The following KLHL5 variants were observed in gnomAD, a reference collection of about 807,000 sequenced individuals.
KLHL5 encodes kelch-like protein 5.
In KLHL5, 48 loss-of-function variants were observed where a neutral mutation model predicts 77.7. The ratio of observed to expected loss-of-function variants is 0.62; its 90% CI spans 0.49 to 0.79. The LOEUF (loss-of-function observed/expected upper bound fraction) is 0.79. KLHL5 is among the 30% of genes least tolerant of loss of function. KLHL5 has a pLI of 0.00. For synonymous variants in KLHL5, 260 were observed against 297.0 expected, an observed-to-expected ratio of 0.88 and a Z score of 1.28; for missense variants, 723 against 859.7, an observed-to-expected ratio of 0.84 and a Z score of 1.99.
chr4:39,078,110 C>T (rs1412093560), intron 2 of KLHL5, among the ~76,000 whole-genome samples: 2 of 152,084 alleles, frequency 1.3e-5, no homozygotes, highest in Non-Finnish European at 2.9e-5. Flanking sequence ...ACAATGAGGC[C>T]AGGCGCGATG....
chr4:39,082,229 G>T (rs1172286905), intron 4 of KLHL5, 70 bp downstream of exon 4: 2 of 1,225,350 alleles, frequency 1.6e-6, no homozygotes, highest in Non-Finnish European at 2.3e-6. Flanking sequence ...AGGCTTATCT[G>T]CATGTTACTG....
rs1482989401 is a variant in KLHL5, at chr4:39,122,045, T to C, written c.*979T>C. ...AACAGTTTGTGGGAGAATGGGCTTA[T>C]TGAATGTCTAAAAAATAAGTTTAAA... On this transcript the variant is annotated 3_prime_UTR_variant, in exon 11 of 11. Coordinates refer to ENST00000504108, the MANE Select transcript of KLHL5 (RefSeq NM_015990.5). The C allele has an allele frequency of 2.6e-5, 4 of 152,656 alleles. No individual in the cohort carries two copies. The highest frequency in any genetic ancestry group is 6.5e-5 in the Admixed American group (1 of 15,282). The allele number at this position is 152,656 out of a possible 1,614,324, so 9.5% of individuals were successfully genotyped here.
At chr4:39,045,420 A>T (rs1345943850) in intron 1 of KLHL5, among the ~76,000 whole-genome samples, 1 of 151,710 alleles carries the variant, frequency 6.6e-6, no homozygotes, top group African/African-American at 2.4e-5. Flanking sequence ...TGAGGAGCGG[A>T]CTGCGGTGCA....
At chr4:39,093,318 A>G in intron 5 of KLHL5, 1 of 445,476 alleles carries the variant, frequency 2.2e-6, no homozygotes, top group Non-Finnish European at 4.5e-6. Flanking sequence ...CTGTAGAGAC[A>G]GATTAGTGCT....
Position 39,074,585 on chromosome 4 carries a change from G to A in KLHL5, c.384-1380G>A, listed in dbSNP as rs78748396. Among the ~76,000 whole-genome samples, 648 of 152,172 alleles carry A rather than the reference G, an allele frequency of 4.3e-3. 6 individuals carry two copies. The highest frequency in any genetic ancestry group is 0.013 in the African/African-American group (548 of 41,544). On this transcript the variant is annotated intron_variant, in intron 1 of 10. Transcript: ENST00000504108. Reference sequence around the variant, plus strand: ...ATATAGTCTAGCTATATTCTCAGGCGGAAAAAAGAATATTTTGGTGAACAC... The same window carrying A: ...ATATAGTCTAGCTATATTCTCAGGCAGAAAAAAGAATATTTTGGTGAACAC...
At chr4:39,075,113 C>T (rs1718884946) in intron 1 of KLHL5, among the ~76,000 whole-genome samples, 1 of 152,084 alleles carries the variant, frequency 6.6e-6, no homozygotes, top group South Asian at 2.1e-4. Context: ...GGGCAGATCT[C>T]CTGAGGTCAG....
chr4:39,118,288 C>G (rs1306452622), intron 10 of KLHL5, among the ~76,000 whole-genome samples: 4 of 151,854 alleles, frequency 2.6e-5, no homozygotes, highest in Non-Finnish European at 5.9e-5. Flanking sequence ...AAACAGCTAA[C>G]CCAAGGCCAC....
At chr4:39,119,568 G>C (rs1208714421) in intron 10 of KLHL5, among the ~76,000 whole-genome samples, 2 of 152,198 alleles carry the variant, frequency 1.3e-5, no homozygotes, top group Non-Finnish European at 2.9e-5. Context: ...CTGGGTGACA[G>C]TGCAAGACTC....
At chr4:39,106,365 T>G (rs1283347430) in intron 7 of KLHL5, among the ~76,000 whole-genome samples, 1 of 152,250 alleles carries the variant, frequency 6.6e-6, no homozygotes, top group Non-Finnish European at 1.5e-5. Context: ...CCTTTTACTC[T>G]GCACCACTTT....
intron 5 of KLHL5, among the ~76,000 whole-genome samples, chr4:39,094,859 A>C (rs975310320): frequency 6.6e-6 from 1 of 152,152 alleles, no homozygotes; most frequent in African/African-American, 2.4e-5. Flanking sequence ...TTTCAAAAAA[A>C]TGAATTTCAC....
rs2711937 is a variant in KLHL5, at chr4:39,103,018, C to T, written c.1301-269C>T. Among the ~76,000 whole-genome samples, 113,702 of 151,510 alleles carry T rather than the reference C, an allele frequency of 0.75. 42,700 individuals carry two copies. Among genetic ancestry groups the T allele is most frequent in the East Asian group, 0.84 (4,321 of 5,158 alleles). Reference sequence around the variant, plus strand: ...TTAACGCCTCTGCTTTTTTCTCCCCCGCTTCTGGGTGTTGTTTCTCACCCT... The same window carrying T: ...TTAACGCCTCTGCTTTTTTCTCCCCTGCTTCTGGGTGTTGTTTCTCACCCT... On this transcript the variant is annotated intron_variant, in intron 6 of 10. Transcript: ENST00000504108.
intron 1 of KLHL5, among the ~76,000 whole-genome samples, chr4:39,050,647 C>CTTA (rs1716568067): frequency 1.3e-5 from 2 of 152,178 alleles, no homozygotes; most frequent in Admixed American, 1.3e-4. Flanking sequence ...CTCTTAACCA[C>CTTA]CAGACTTAGG....
At chr4:39,087,246 C>T (rs1720137617) in intron 5 of KLHL5, among the ~76,000 whole-genome samples, 1 of 152,164 alleles carries the variant, frequency 6.6e-6, no homozygotes, top group Non-Finnish European at 1.5e-5. Flanking sequence ...GGGTTAGTAA[C>T]TTAATTGACT....
At chr4:39,101,176 A>G (rs187383766) in intron 6 of KLHL5, among the ~76,000 whole-genome samples, 37 of 138,758 alleles carry the variant, frequency 2.7e-4, no homozygotes, top group African/African-American at 9.6e-4. Flanking sequence ...TAATATCTTT[A>G]TGTTTGAAAT....
At position 39,086,745 on chromosome 4, in the gene KLHL5, GT is replaced by G; in HGVS notation, c.1113+21del. On this transcript the variant is annotated intron_variant, in intron 5 of 10. Transcript: ENST00000504108. ...CACCACAGGTAATTAATAGGCACTT[GT>G]TTATAGGAATTTTTCTTTGCCTATT... 1 of 1,569,738 alleles carries G rather than the reference GT, an allele frequency of 6.4e-7. No homozygotes were observed. Among genetic ancestry groups the G allele is most frequent in the Non-Finnish European group, 8.8e-7 (1 of 1,140,472 alleles).
chr4:39,135,934 A>C, the KLHL5 span, among the ~76,000 whole-genome samples: 2 of 151,862 alleles, frequency 1.3e-5, no homozygotes, highest in Non-Finnish European at 2.9e-5. Flanking sequence ...GTATATGTTT[A>C]TCAGCAGTAC....
At position 39,113,084 on chromosome 4, in the gene KLHL5, C is replaced by T. The variant is rs1018392071; in HGVS notation, c.1753C>T (p.His585Tyr). 1 of 1,614,026 alleles carries T rather than the reference C, an allele frequency of 6.2e-7. No individual in the cohort carries two copies. Residue 585 changes from histidine to tyrosine, a missense_variant, in exon 9 of 11, where the codon CAT (histidine) becomes TAT (tyrosine). Physicochemically the swap from His to Tyr is moderately conservative, Grantham distance 83. Transcript: ENST00000504108. ...CLKSVECFDP[H>Y]TNKWTLCAQM... ...CAAATCAGTAGAATGTTTTGATCCTCATACTAATAAGTGGACACTGTGTGC... is the reference window on the plus strand; with the variant it reads ...CAAATCAGTAGAATGTTTTGATCCTTATACTAATAAGTGGACACTGTGTGC...
chr4:39,101,597 C>G (rs1721549653), intron 6 of KLHL5, among the ~76,000 whole-genome samples: 1 of 151,980 alleles, frequency 6.6e-6, no homozygotes, highest in Non-Finnish European at 1.5e-5. Context: ...CCTGTAATCC[C>G]AGCACTTTGG....
chr4:39,062,152 G>T, upstream of KLHL5: 1 of 715,554 alleles, frequency 1.4e-6, no homozygotes, highest in South Asian at 6.1e-5. Flanking sequence ...TTATTTTTAA[G>T]TACAAAGGGA....
Sources: allele counts gnomAD v4.1 joint callset (sites outside exome capture counted in the v4.1 genomes callset), GRCh38; gene constraint gnomAD v4.1.1; transcripts MANE v1.5; gene names NCBI Gene and HGNC (gene_info 2026-07-23, HGNC 2026-07-21).